Variants in OCA2 observed in about 807,000 individuals in gnomAD.
The protein encoded by OCA2 is P protein.
A neutral mutation model predicts 100.2 loss-of-function variants in OCA2; 77 were observed. The ratio of observed to expected loss-of-function variants is 0.77; its 90% CI spans 0.64 to 0.93. OCA2 has a LOEUF of 0.93. OCA2 is among the 40% of genes least tolerant of loss of function. OCA2 has a pLI of 0.00. For missense variants in OCA2, 1,062 were observed against 1,089.1 expected (o/e 0.98, Z 0.35); for synonymous variants, 432 against 439.2 (o/e 0.98, Z 0.21).
In OCA2 at chr15:28,094,441, A is replaced by C. The variant is rs556231706; in HGVS notation, c.-22+4783T>G. ...CCGGCGGCACAGGGCGGAGTATGCC[A>C]CAGCCCCAACCCACCCCTCCAGGTC... On this transcript the variant is annotated intron_variant, in intron 1 of 23. Transcript: ENST00000354638. Among the ~76,000 whole-genome samples the C allele has an allele frequency of 2.6e-4, 39 of 152,274 alleles. 1 individual carries two copies. Among genetic ancestry groups the C allele is most frequent in the Non-Finnish European group, 2.9e-5 (2 of 68,006 alleles).
At chr15:27,815,187 C>T (rs1035399348) in intron 23 of OCA2, among the ~76,000 whole-genome samples, 2 of 152,092 alleles carry the variant, frequency 1.3e-5, no homozygotes, top group African/African-American at 4.8e-5. Context: ...GAGAAGCTTC[C>T]CATTCGCCGC....
At chr15:28,024,044 C>G (rs1441319582) in intron 5 of OCA2, among the ~76,000 whole-genome samples, 1 of 152,226 alleles carries the variant, frequency 6.6e-6, no homozygotes, top group Non-Finnish European at 1.5e-5. Context: ...CTATGTGACC[C>G]TGGCTCAGGC....
chr15:27,767,617 CTG>C (rs1479893242), intron 23 of OCA2, among the ~76,000 whole-genome samples: 1 of 151,888 alleles, frequency 6.6e-6, no homozygotes, highest in East Asian at 1.9e-4. Flanking sequence ...AATCAGCACT[CTG>C]TAAAAATGCA....
At chr15:28,015,026 C>G in intron 8 of OCA2, 97 bp from the exon 9 acceptor site, 1 of 1,260,818 alleles carries the variant, frequency 7.9e-7, no homozygotes, top group Non-Finnish European at 1.1e-6. Flanking sequence ...GCAAATGGAA[C>G]AATTCAGCCC....
intron 18 of OCA2, among the ~76,000 whole-genome samples, chr15:27,930,910 A>C (rs72712633): frequency 7.9e-5 from 12 of 151,966 alleles, no homozygotes; most frequent in Non-Finnish European, 1.5e-4. Context: ...TAGAACACTA[A>C]AAGTTCAAAG....
chr15:27,826,300 G>A (rs2034719042), intron 23 of OCA2, among the ~76,000 whole-genome samples: 1 of 152,134 alleles, frequency 6.6e-6, no homozygotes, highest in Admixed American at 6.5e-5. Context: ...TTATGAGGCA[G>A]CAGTTGATTG....
intron 9 of OCA2, among the ~76,000 whole-genome samples, chr15:28,011,942 T>C (rs1437620845): frequency 6.8e-6 from 1 of 146,784 alleles, no homozygotes; most frequent in Non-Finnish European, 1.5e-5. Context: ...AGGCCGGCAC[T>C]GTGGCTCATG....
intron 6 of OCA2, among the ~76,000 whole-genome samples, chr15:28,020,691 G>T (rs898559929): frequency 6.6e-6 from 1 of 152,254 alleles, no homozygotes; most frequent in African/African-American, 2.4e-5. Context: ...ATACTTTACA[G>T]CTCAGGCACG....
intron 19 of OCA2, among the ~76,000 whole-genome samples, chr15:27,887,690 C>T (rs1434377273): frequency 6.9e-6 from 1 of 144,886 alleles, no homozygotes; most frequent in Non-Finnish European, 1.5e-5. Flanking sequence ...TGGACTAATA[C>T]AGGAGCCCGG....
At chr15:27,772,170 T>C (rs1039860578) in intron 23 of OCA2, among the ~76,000 whole-genome samples, 47 of 152,210 alleles carry the variant, frequency 3.1e-4, no homozygotes, top group Admixed American at 2.0e-4. Flanking sequence ...AGCCAACCTC[T>C]CTGGGCCTGA....
chr15:27,820,757 A>C (rs1373637348), intron 23 of OCA2, among the ~76,000 whole-genome samples: 2 of 152,248 alleles, frequency 1.3e-5, no homozygotes, highest in Admixed American at 1.3e-4. Flanking sequence ...AGGGCCTATG[A>C]GCTGAAAAAG....
At chr15:28,047,503 C>A (rs1406220129) in intron 2 of OCA2, among the ~76,000 whole-genome samples, 1 of 152,308 alleles carries the variant, frequency 6.6e-6, no homozygotes, top group Non-Finnish European at 1.5e-5. Context: ...GTGGTCTAGG[C>A]TTCTTCCCCC....
Position 27,951,894 on chromosome 15 carries a change from T to C in OCA2, c.1843-2A>G. 1 of 1,604,010 alleles carries C rather than the reference T, an allele frequency of 6.2e-7. No individual in the cohort carries two copies. The highest frequency in any genetic ancestry group is 8.5e-7 in the Non-Finnish European group (1 of 1,170,926). ...CAGAATCCCGTCAGATATCCTATGC[T>C]GTAAGAGAGAAACCACAGCTCATTT... On this transcript the variant is annotated splice_acceptor_variant, in intron 17 of 23. Transcript: ENST00000354638. LOFTEE classifies it high-confidence loss of function.
At chr15:28,049,887 T>C (rs1463687508) in intron 2 of OCA2, among the ~76,000 whole-genome samples, 1 of 152,216 alleles carries the variant, frequency 6.6e-6, no homozygotes, top group African/African-American at 2.4e-5. Flanking sequence ...GTGCTGATGG[T>C]TGCCCATTAG....
At chr15:27,824,592 CTCTCTCTCTCTATA>C (rs2034629598) in intron 23 of OCA2, among the ~76,000 whole-genome samples, 1 of 48,016 alleles carries the variant, frequency 2.1e-5, no homozygotes, top group Non-Finnish European at 3.2e-5. Flanking sequence ...CTCTCTCTCT[CTCTCTCTCTCTATA>C]TATATATATA....
At chr15:27,724,821 T>C in the OCA2 span, among the ~76,000 whole-genome samples, 2 of 151,862 alleles carry the variant, frequency 1.3e-5, no homozygotes, top group East Asian at 1.9e-4. Context: ...ACGCTTTTTT[T>C]TTTTTACCCC....
chr15:27,723,877 C>G, the OCA2 span, among the ~76,000 whole-genome samples: 1 of 152,190 alleles, frequency 6.6e-6, no homozygotes, highest in African/African-American at 2.4e-5. Context: ...ATAACCAAAA[C>G]CAGGACACAG....
chr15:27,786,766 T>G (rs2032836255), intron 23 of OCA2, among the ~76,000 whole-genome samples: 1 of 152,168 alleles, frequency 6.6e-6, no homozygotes, highest in Non-Finnish European at 1.5e-5. Context: ...ACTTCTTCCT[T>G]TCCATAACTT....
intron 19 of OCA2, among the ~76,000 whole-genome samples, chr15:27,873,909 T>A (rs1211325477): frequency 6.6e-6 from 1 of 152,222 alleles, no homozygotes; most frequent in Non-Finnish European, 1.5e-5. Flanking sequence ...TATGTGAAGT[T>A]TATGTACAGT....
Sources: allele counts gnomAD v4.1 joint callset (sites outside exome capture counted in the v4.1 genomes callset), GRCh38; gene constraint gnomAD v4.1.1; transcripts MANE v1.5; gene names NCBI Gene and HGNC (gene_info 2026-07-23, HGNC 2026-07-21).